The following NIPBL variants were observed in gnomAD, a reference collection of about 807,000 sequenced individuals.
The protein encoded by NIPBL is NIPBL cohesin loading factor.
Under a neutral mutation model 321.8 loss-of-function variants are expected in NIPBL, and 19 were observed. The observed-to-expected ratio is 0.06, with a 90% CI of 0.04 to 0.09. NIPBL has a LOEUF of 0.09. NIPBL is among the 10% of genes least tolerant of loss of function. NIPBL has a pLI of 1.00. For synonymous variants in NIPBL, 1,106 were observed against 1,114.1 expected, an observed-to-expected ratio of 0.99 and a Z score of 0.14; for missense variants, 2,210 against 3,327.0, an observed-to-expected ratio of 0.66 and a Z score of 8.26.
intron 1 of NIPBL, among the ~76,000 whole-genome samples, chr5:36,937,765 T>G (rs984936699): frequency 2.6e-5 from 4 of 152,178 alleles, no homozygotes; most frequent in African/African-American, 7.2e-5. Context: ...CTTCTTTGCC[T>G]TACTAACAAG....
Position 36,985,155 on chromosome 5 carries a change from A to G in NIPBL, c.1975A>G (p.Thr659Ala). Residue 659 changes from threonine to alanine, a missense_variant, in exon 10 of 47, where the codon ACT becomes GCT. Physicochemically the swap from Thr to Ala is moderately conservative, Grantham distance 58. Transcript: ENST00000282516. ...EELKQNESRT[T>A]ECKQNESTIV... ...ACTTAAACAGAATGAGAGCAGAACA[A>G]CTGAATGCAAACAAAACGAGAGCAC... 2 of 1,613,930 alleles carry G rather than the reference A, an allele frequency of 1.2e-6. No homozygotes were observed. Among genetic ancestry groups the G allele is most frequent in the Non-Finnish European group, 1.7e-6 (2 of 1,179,940 alleles).
rs1554063686 is a variant in NIPBL, at chr5:36,932,791, T to TG, written c.-79-20827_-79-20826insG. Among the ~76,000 whole-genome samples, 3 of 149,118 alleles carry TG rather than the reference T, an allele frequency of 2.0e-5. 1 individual carries two copies. In the South Asian group the frequency reaches 6.3e-4, roughly 32 times the overall value. On this transcript the variant is annotated intron_variant, in intron 1 of 46. Coordinates refer to ENST00000282516, the MANE Select transcript of NIPBL (RefSeq NM_133433.4). ...AATTCCTCTGCTGTTTTTTTTTTTT[T>TG]TTTTTTTTTTTTAAAGAACAGGATC...
Position 36,976,214 on chromosome 5 carries a change from T to C in NIPBL, c.1307T>C (p.Val436Ala). 1 of 1,613,382 alleles carries C rather than the reference T, an allele frequency of 6.2e-7. No homozygotes were observed. The highest frequency in any genetic ancestry group is 8.5e-7 in the Non-Finnish European group (1 of 1,179,726). Residue 436 changes from valine (V) to alanine (A), a missense_variant, in exon 9 of 47, where the codon GTT (valine) becomes GCT (alanine). By Grantham distance (64) the Val-to-Ala change is moderately conservative (BLOSUM62 0). This residue lies in a region of NIPBL where 464 missense variants were observed against 529.5 expected (regional missense o/e 0.88). Coordinates refer to ENST00000282516, the MANE Select transcript of NIPBL (RefSeq NM_133433.4). ...TTCCTTCCAGCAAATCAAGTGCCTG[T>C]TTTACAACAGAACACTTCAGTTGCT... ...TAFLPANQVP[V>A]LQQNTSVAAK...
At chr5:36,949,495 A>G (rs184570662) in intron 1 of NIPBL, among the ~76,000 whole-genome samples, 186 of 151,950 alleles carry the variant, frequency 1.2e-3, no homozygotes, top group African/African-American at 4.3e-3. Context: ...GGTTCATATG[A>G]GGATTAAATG....
chr5:36,926,391 A>C (rs1397744164), intron 1 of NIPBL, among the ~76,000 whole-genome samples: 2 of 152,168 alleles, frequency 1.3e-5, no homozygotes, highest in African/African-American at 4.8e-5. Context: ...GGCTGGCCAG[A>C]ATAGTTCCAG....
At chr5:36,957,863 AT>A (rs1741151178) in intron 3 of NIPBL, among the ~76,000 whole-genome samples, 1 of 151,960 alleles carries the variant, frequency 6.6e-6, no homozygotes, top group Non-Finnish European at 1.5e-5. Context: ...GGCACCTGTA[AT>A]CCCAGCTACT....
chr5:37,028,032 T>C (rs1275395363), intron 32 of NIPBL, among the ~76,000 whole-genome samples: 1 of 152,198 alleles, frequency 6.6e-6, no homozygotes, highest in Non-Finnish European at 1.5e-5. Context: ...ATACAAGATT[T>C]ATAAATGGAT....
At chr5:36,932,931 G>GGGAGTACAGGCATATA (rs1561045438) in intron 1 of NIPBL, among the ~76,000 whole-genome samples, 2 of 151,832 alleles carry the variant, frequency 1.3e-5, no homozygotes, top group Non-Finnish European at 1.5e-5. Flanking sequence ...GTGAGTAGCT[G>GGGAGTACAGGCATATA]GGAGTACAGG....
chr5:36,896,461 G>T (rs1343309055), intron 1 of NIPBL, among the ~76,000 whole-genome samples: 2 of 152,118 alleles, frequency 1.3e-5, no homozygotes, highest in Non-Finnish European at 2.9e-5. Context: ...TGCAAAATAG[G>T]CAGCTGCAAT....
At chr5:37,033,731 T>TATATATA (rs1491233297) in intron 32 of NIPBL, among the ~76,000 whole-genome samples, 9 of 38,230 alleles carry the variant, frequency 2.4e-4, no homozygotes, top group African/African-American at 6.3e-4. Context: ...TATATATATA[T>TATATATA]TTTTTTTTTT....
intron 1 of NIPBL, among the ~76,000 whole-genome samples, chr5:36,883,697 A>G (rs1356656459): frequency 2.6e-5 from 4 of 152,036 alleles, no homozygotes; most frequent in Non-Finnish European, 4.4e-5. Context: ...CAACACTGCT[A>G]CTTGTCAACC....
intron 1 of NIPBL, among the ~76,000 whole-genome samples, chr5:36,931,490 G>A (rs1200729156): frequency 6.6e-6 from 1 of 151,794 alleles, no homozygotes; most frequent in African/African-American, 2.4e-5. Flanking sequence ...GCTAATTTTT[G>A]TATTTTCTAT....
chr5:37,047,241 C>T (rs1338645766), intron 38 of NIPBL, among the ~76,000 whole-genome samples: 7 of 152,184 alleles, frequency 4.6e-5, no homozygotes, highest in South Asian at 2.1e-4. Flanking sequence ...TGACTGTACA[C>T]GTAAAGCTAC....
intron 9 of NIPBL, 50 bp from the exon 10 acceptor site, chr5:36,984,626 A>T (rs1744532422): frequency 1.3e-6 from 2 of 1,511,674 alleles, no homozygotes; most frequent in Non-Finnish European, 1.8e-6. Flanking sequence ...TTTTAATAAG[A>T]TAAGAATACA....
intron 6 of NIPBL, among the ~76,000 whole-genome samples, chr5:36,963,398 A>T (rs986940501): frequency 6.6e-6 from 1 of 152,172 alleles, no homozygotes; most frequent in East Asian, 1.9e-4. Flanking sequence ...TAACTTTGTC[A>T]TCCATCAAAA....
chr5:36,956,896 A>G (rs1215046101), intron 3 of NIPBL, among the ~76,000 whole-genome samples: 1 of 152,008 alleles, frequency 6.6e-6, no homozygotes, highest in African/African-American at 2.4e-5. Flanking sequence ...AAGTGCTAGG[A>G]TTATAGGTGT....
At chr5:36,916,903 T>G (rs1208914748) in intron 1 of NIPBL, among the ~76,000 whole-genome samples, 1 of 152,198 alleles carries the variant, frequency 6.6e-6, no homozygotes, top group African/African-American at 2.4e-5. Flanking sequence ...TCTATCATTG[T>G]TGGACACTTG....
intron 3 of NIPBL, among the ~76,000 whole-genome samples, chr5:36,957,181 C>T (rs1398262054): frequency 6.6e-6 from 1 of 152,040 alleles, no homozygotes; most frequent in African/African-American, 2.4e-5. Context: ...CATCATCTCC[C>T]ATGGTTATGA....
At chr5:36,928,553 C>T (rs1241658159) in intron 1 of NIPBL, among the ~76,000 whole-genome samples, 1 of 152,044 alleles carries the variant, frequency 6.6e-6, no homozygotes, top group Non-Finnish European at 1.5e-5. Flanking sequence ...TACTTTACAA[C>T]GTTATTGAGG....
Sources: gnomAD v4.1 joint callset for allele counts (sites outside exome capture counted in the v4.1 genomes callset) on GRCh38, gnomAD v4.1.1 for gene constraint, gnomAD v4.1.1 regional missense constraint, MANE v1.5 for transcripts, NCBI Gene and HGNC (gene_info 2026-07-23, HGNC 2026-07-21) for gene names.